Variants in GGACT observed in about 807,000 individuals in gnomAD.
GGACT encodes gamma-glutamylamine cyclotransferase, also known as gamma-glutamylaminecyclotransferase.
For missense variants in GGACT, 241 were observed against 233.2 expected, an observed-to-expected ratio of 1.03 and a Z score of -0.22; for synonymous variants, 118 against 115.3, an observed-to-expected ratio of 1.02 and a Z score of -0.15.
chr13:100,548,750 A>T (rs1414728283), intron 2 of GGACT, among the ~76,000 whole-genome samples: 1 of 152,244 alleles, frequency 6.6e-6, no homozygotes. Flanking sequence ...AACAGAGGTC[A>T]AAGCCACACT....
intron 2 of GGACT, among the ~76,000 whole-genome samples, chr13:100,543,197 C>CTTTTTTTTTTTTTTTTTTTTTTTT (rs147710327): frequency 1.4e-5 from 1 of 69,902 alleles, no homozygotes; most frequent in African/African-American, 6.2e-5. Flanking sequence ...AAGACACCAG[C>CTTTTTTTTTTTTTTTTTTTTTTTT]TTTTTTTTTT....
At chr13:100,588,124 A>C (rs960725941) in intron 1 of GGACT, among the ~76,000 whole-genome samples, 3 of 152,206 alleles carry the variant, frequency 2.0e-5, no homozygotes, top group Admixed American at 2.0e-4. Flanking sequence ...AAAAACACTT[A>C]AGTCTGCTTT....
chr13:100,533,316 CGCGGAGGTT>C (rs1007129779), intron 2 of GGACT: 3 of 152,456 alleles, frequency 2.0e-5, no homozygotes, highest in African/African-American at 7.2e-5. Flanking sequence ...GTGTGGTGGG[CGCGGAGGTT>C]GCGGAGGTTC....
At chr13:100,583,422 C>A (rs1875475196) in intron 2 of GGACT, among the ~76,000 whole-genome samples, 1 of 152,204 alleles carries the variant, frequency 6.6e-6, no homozygotes. Flanking sequence ...TTAGTATTCT[C>A]AATGTATAAA....
At chr13:100,583,800 T>C (rs1021088952) in intron 2 of GGACT, 25 bp downstream of exon 2, 1 of 152,230 alleles carries the variant, frequency 6.6e-6, no homozygotes, top group Non-Finnish European at 1.5e-5. Context: ...ATGAACACTC[T>C]AGAACAGAGG....
At chr13:100,584,730 T>C (rs1042404585) in intron 1 of GGACT, among the ~76,000 whole-genome samples, 2 of 152,104 alleles carry the variant, frequency 1.3e-5, no homozygotes, top group African/African-American at 4.8e-5. Flanking sequence ...GTAATGAGGG[T>C]TTATTATTAC....
chr13:100,562,788 A>G (rs1594192907), intron 2 of GGACT, among the ~76,000 whole-genome samples: 1 of 133,574 alleles, frequency 7.5e-6, no homozygotes, highest in East Asian at 2.0e-4. Context: ...ACAGCGAGAC[A>G]ATGTCTCAAA....
intron 2 of GGACT, among the ~76,000 whole-genome samples, chr13:100,558,291 A>G (rs570746749): frequency 5.9e-5 from 9 of 152,310 alleles, no homozygotes; most frequent in Non-Finnish European, 1.0e-4. Flanking sequence ...CAGCCTGGGA[A>G]ACACAGCAAG....
rs1393009287 is a variant in GGACT at position 100,532,496 on chromosome 13, C to T, written c.96G>A (p.Ala32=). 4 of 1,548,752 alleles carry T rather than the reference C, an allele frequency of 2.6e-6. No homozygotes were observed. The highest frequency in any genetic ancestry group is 3.5e-6 in the Non-Finnish European group (4 of 1,146,236). ...DGAHGSAAFR[A]RGRTLEPYPL... ...GGTAGGGCTCCAGCGTGCGGCCGCG[C>T]GCCCGAAAGGCTGCGGAGCCGTGGG... Residue 32 remains alanine, a synonymous_variant, in exon 3 of 3, where the codon GCG becomes GCA. Coordinates refer to ENST00000683975, the MANE Select transcript of GGACT (RefSeq NM_001195087.2).
intron 2 of GGACT, among the ~76,000 whole-genome samples, chr13:100,564,833 G>A (rs923166469): frequency 6.6e-6 from 1 of 152,188 alleles, no homozygotes; most frequent in Non-Finnish European, 1.5e-5. Context: ...GGGGGCGGGG[G>A]GGCTGGGCCT....
intron 2 of GGACT, chr13:100,539,603 G>T: frequency 4.7e-6 from 2 of 426,612 alleles, no homozygotes; most frequent in East Asian, 4.1e-5. Flanking sequence ...AATTCTGTTT[G>T]CTAGTGTGTT....
At chr13:100,584,207 C>T (rs1262807908) in intron 1 of GGACT, among the ~76,000 whole-genome samples, 3 of 152,316 alleles carry the variant, frequency 2.0e-5, no homozygotes, top group East Asian at 3.9e-4. Flanking sequence ...AATAGAGGAA[C>T]CTTCCCAGTG....
chr13:100,576,693 A>G (rs1303647152), intron 2 of GGACT, among the ~76,000 whole-genome samples: 2 of 152,192 alleles, frequency 1.3e-5, no homozygotes, highest in Admixed American at 1.3e-4. Context: ...CATTTACATG[A>G]CATTCTGGAA....
chr13:100,584,059 G>T (rs1365700178), intron 1 of GGACT, 62 bp from the exon 2 acceptor site: 1 of 152,074 alleles, frequency 6.6e-6, no homozygotes, highest in Non-Finnish European at 1.5e-5. Context: ...AGCAATAAGG[G>T]GCTTACAAAC....
intron 2 of GGACT, chr13:100,538,174 G>A (rs2088515674): frequency 6.6e-6 from 1 of 152,202 alleles, no homozygotes; most frequent in South Asian, 2.1e-4. Flanking sequence ...CCCGAAGCTG[G>A]TGAGAGGCAG....
chr13:100,570,587 T>C (rs1875052623), intron 2 of GGACT, among the ~76,000 whole-genome samples: 1 of 152,154 alleles, frequency 6.6e-6, no homozygotes, highest in Non-Finnish European at 1.5e-5. Flanking sequence ...CACAGCCAAA[T>C]TATATCAGAC....
intron 2 of GGACT, among the ~76,000 whole-genome samples, chr13:100,548,114 T>C (rs2088625391): frequency 6.6e-6 from 1 of 152,256 alleles, no homozygotes; most frequent in African/African-American, 2.4e-5. Context: ...CAACTTCTCG[T>C]CTACCTTGTG....
intron 2 of GGACT, among the ~76,000 whole-genome samples, chr13:100,561,859 G>C (rs2088763399): frequency 6.6e-6 from 1 of 152,200 alleles, no homozygotes; most frequent in South Asian, 2.1e-4. Flanking sequence ...CAGAGTGGGG[G>C]AGTGGGATCC....
At chr13:100,539,525 A>T (rs2088529710) in intron 2 of GGACT, 1 of 226,568 alleles carries the variant, frequency 4.4e-6, no homozygotes, top group African/African-American at 2.3e-5. Flanking sequence ...TCTTATATTG[A>T]AACATCCTTG....
Sources: gnomAD v4.1 joint callset for allele counts (sites outside exome capture counted in the v4.1 genomes callset) on GRCh38, gnomAD v4.1.1 for gene constraint, MANE v1.5 for transcripts, NCBI Gene and HGNC (gene_info 2026-07-23, HGNC 2026-07-21) for gene names.